Variants in ATRNL1 observed in about 807,000 individuals in gnomAD.
The protein encoded by ATRNL1 is attractin like 1.
In ATRNL1, 95 loss-of-function variants were observed where a neutral mutation model predicts 182.7. The observed-to-expected ratio is 0.52, with a 90% CI of 0.44 to 0.62. The LOEUF is 0.62. Among genes scored for constraint, ATRNL1 ranks in the 20% least tolerant of loss-of-function variants. ATRNL1 has a pLI of 0.00. For missense variants in ATRNL1, 1,471 were observed against 1,679.5 expected, an observed-to-expected ratio of 0.88 and a Z score of 2.17; for synonymous variants, 576 against 568.3, an observed-to-expected ratio of 1.01 and a Z score of -0.19.
chr10:115,151,887 T>A (rs1164420136), intron 5 of ATRNL1, among the ~76,000 whole-genome samples: 1 of 152,238 alleles, frequency 6.6e-6, no homozygotes, highest in Non-Finnish European at 1.5e-5. Context: ...AATTAATTTT[T>A]GTATAAGGTG....
intron 6 of ATRNL1, among the ~76,000 whole-genome samples, chr10:115,164,709 A>C (rs1382286066): frequency 6.6e-6 from 1 of 152,134 alleles, no homozygotes; most frequent in African/African-American, 2.4e-5. Context: ...TTATAAGTGA[A>C]ATAAACCAGG....
chr10:115,207,102 G>T (rs1848827962), intron 8 of ATRNL1, among the ~76,000 whole-genome samples: 1 of 152,078 alleles, frequency 6.6e-6, no homozygotes, highest in Non-Finnish European at 1.5e-5. Context: ...TGGACATTTG[G>T]GTTTGTTCCG....
At chr10:115,309,657 C>A (rs1554927243) in intron 17 of ATRNL1, among the ~76,000 whole-genome samples, 2 of 151,994 alleles carry the variant, frequency 1.3e-5, no homozygotes, top group African/African-American at 4.8e-5. Flanking sequence ...TTTATCAAAT[C>A]TAGGAGTCTT....
chr10:115,619,857 C>T (rs973604263), intron 26 of ATRNL1, among the ~76,000 whole-genome samples: 9 of 152,184 alleles, frequency 5.9e-5, no homozygotes, highest in African/African-American at 2.2e-4. Flanking sequence ...GGATAGTCAT[C>T]ATTTCTAATT....
At chr10:115,610,207 C>A (rs981362554) in intron 26 of ATRNL1, among the ~76,000 whole-genome samples, 1 of 152,046 alleles carries the variant, frequency 6.6e-6, no homozygotes. Flanking sequence ...CAATGCAAAC[C>A]CAGGGTGTCA....
chr10:115,800,480 A>C (rs1949766366), intron 27 of ATRNL1, among the ~76,000 whole-genome samples: 1 of 152,224 alleles, frequency 6.6e-6, no homozygotes, highest in Non-Finnish European at 1.5e-5. Context: ...ACAGAAAAGT[A>C]AATGAAGTAT....
chr10:115,469,161 T>G lies in ATRNL1; in HGVS notation c.3497-11T>G. The G allele has an allele frequency of 9.3e-7, 1 of 1,078,242 alleles. No individual in the cohort carries two copies. Among genetic ancestry groups the G allele is most frequent in the East Asian group, 2.9e-5 (1 of 33,966 alleles). 66.8% of individuals were successfully genotyped at this position (1,078,242 alleles called of 1,614,324 possible). On this transcript the variant is annotated splice_polypyrimidine_tract_variant and intron_variant, in intron 23 of 28. Coordinates refer to ENST00000355044, the MANE Select transcript of ATRNL1 (RefSeq NM_207303.4). Reference sequence around the variant, plus strand: ...TCCTAATATTAATTATTTAAATTATTTACATTTTAGCTGGAACAATATCTG... The same window carrying G: ...TCCTAATATTAATTATTTAAATTATGTACATTTTAGCTGGAACAATATCTG...
intron 10 of ATRNL1, among the ~76,000 whole-genome samples, chr10:115,255,112 A>G (rs552146563): frequency 6.6e-6 from 1 of 152,314 alleles, no homozygotes; most frequent in Admixed American, 6.5e-5. Flanking sequence ...TTTCTTGGCA[A>G]TGCGGACTCT....
chr10:115,402,701 A>C (rs1844623152), intron 20 of ATRNL1, among the ~76,000 whole-genome samples: 1 of 152,208 alleles, frequency 6.6e-6, no homozygotes, highest in African/African-American at 2.4e-5. Flanking sequence ...ACCATTTCCT[A>C]AGATATATGG....
At chr10:115,675,002 T>C (rs1000315567) in intron 26 of ATRNL1, among the ~76,000 whole-genome samples, 1 of 152,168 alleles carries the variant, frequency 6.6e-6, no homozygotes, top group Admixed American at 6.6e-5. Flanking sequence ...CTTTTAACTC[T>C]GTCTCCACTA....
chr10:115,270,957 A>G (rs1417500164), intron 13 of ATRNL1, among the ~76,000 whole-genome samples: 4 of 152,150 alleles, frequency 2.6e-5, no homozygotes, highest in Non-Finnish European at 5.9e-5. Flanking sequence ...AATTCTACCT[A>G]ACATAATACA....
In ATRNL1 at chr10:115,477,866, A is replaced by G. The variant is rs146875300; in HGVS notation, c.3654+8537A>G. ...TGTGATTCTTAAAAATATTTAATTA[A>G]TCTGCTGCAAAGTGAATTATATGTA... On this transcript the variant is annotated intron_variant, in intron 24 of 28. Coordinates refer to ENST00000355044, the MANE Select transcript of ATRNL1 (RefSeq NM_207303.4). Among the ~76,000 whole-genome samples the G allele has an allele frequency of 2.6e-3, 397 of 151,796 alleles. 1 individual carries two copies. The highest frequency in any genetic ancestry group is 9.0e-3 in the African/African-American group (372 of 41,502).
intron 20 of ATRNL1, among the ~76,000 whole-genome samples, chr10:115,408,760 G>A (rs189806459): frequency 2.5e-4 from 38 of 152,210 alleles, no homozygotes; most frequent in East Asian, 1.7e-3. Flanking sequence ...GGCAAGAGGT[G>A]AGGGGTCTAG....
At chr10:115,672,659 T>C (rs549947802) in intron 26 of ATRNL1, among the ~76,000 whole-genome samples, 2 of 152,182 alleles carry the variant, frequency 1.3e-5, no homozygotes, top group South Asian at 4.1e-4. Flanking sequence ...ATTACAGAAA[T>C]TGTTTTTTAT....
intron 25 of ATRNL1, among the ~76,000 whole-genome samples, chr10:115,541,293 A>G (rs1277459478): frequency 5.3e-5 from 8 of 152,222 alleles, no homozygotes; most frequent in Non-Finnish European, 1.0e-4. Context: ...CAAGTGTCCA[A>G]CAAAATATGC....
chr10:115,830,066 T>C (rs1565417202), intron 27 of ATRNL1, among the ~76,000 whole-genome samples: 1 of 152,230 alleles, frequency 6.6e-6, no homozygotes, highest in African/African-American at 2.4e-5. Context: ...AGAATTCTCC[T>C]GCCCTAATAC....
intron 24 of ATRNL1, among the ~76,000 whole-genome samples, chr10:115,498,391 G>T (rs1005386781): frequency 3.9e-5 from 6 of 151,914 alleles, no homozygotes; most frequent in Admixed American, 2.0e-4. Flanking sequence ...AAATTGAAAA[G>T]CCATGATCTC....
At chr10:115,560,356 G>T (rs1278897436) in intron 26 of ATRNL1, among the ~76,000 whole-genome samples, 1 of 152,162 alleles carries the variant, frequency 6.6e-6, no homozygotes, top group Non-Finnish European at 1.5e-5. Context: ...CATGAGAACA[G>T]TATGGGAGAG....
chr10:115,424,440 C>T (rs1027322417), intron 20 of ATRNL1, among the ~76,000 whole-genome samples: 24 of 151,992 alleles, frequency 1.6e-4, no homozygotes, highest in African/African-American at 4.6e-4. Flanking sequence ...GATATTTATC[C>T]GAAGGAATTG....
Sources: allele counts gnomAD v4.1 joint callset (sites outside exome capture counted in the v4.1 genomes callset), GRCh38; gene constraint gnomAD v4.1.1; transcripts MANE v1.5; gene names NCBI Gene and HGNC (gene_info 2026-07-23, HGNC 2026-07-21).